The following TPTE2 variants were observed in gnomAD, a reference collection of about 807,000 sequenced individuals.
TPTE2 encodes phosphatidylinositol 3,4,5-trisphosphate 3-phosphatase TPTE2.
Under a neutral mutation model 78.6 loss-of-function variants are expected in TPTE2, and 53 were observed. The observed-to-expected ratio is 0.67, with a 90% CI of 0.54 to 0.85. The LOEUF is 0.85. TPTE2 is among the 40% of genes least tolerant of loss of function. TPTE2 has a pLI of 0.00. For missense variants in TPTE2, 461 were observed against 623.0 expected (o/e 0.74, Z 2.77); for synonymous variants, 175 against 206.2 (o/e 0.85, Z 1.30).
intron 3 of TPTE2, among the ~76,000 whole-genome samples, chr13:19,490,668 C>A (rs1490266111): frequency 6.6e-6 from 1 of 152,196 alleles, no homozygotes; most frequent in Non-Finnish European, 1.5e-5. Context: ...GTCTTTCCTG[C>A]CCCTCAGATA....
At chr13:19,499,896 C>G (rs1475382404) in intron 1 of TPTE2, among the ~76,000 whole-genome samples, 1 of 149,256 alleles carries the variant, frequency 6.7e-6, no homozygotes, top group Non-Finnish European at 1.5e-5. Context: ...AATTGATAGA[C>G]CACTAGCAAG....
chr13:19,551,289 G>A, the TPTE2 span, among the ~76,000 whole-genome samples: 38 of 152,088 alleles, frequency 2.5e-4, no homozygotes, highest in Non-Finnish European at 4.9e-4. Context: ...TATTATTGCA[G>A]GTACAATATG....
chr13:19,478,244 T>A (rs1016775175), intron 4 of TPTE2, among the ~76,000 whole-genome samples: 2 of 151,520 alleles, frequency 1.3e-5, no homozygotes, highest in Non-Finnish European at 2.9e-5. Context: ...TGGGAGAAAA[T>A]TTTTGCAATC....
intron 1 of TPTE2, among the ~76,000 whole-genome samples, chr13:19,523,619 G>A (rs1870317788): frequency 6.6e-6 from 1 of 151,990 alleles, no homozygotes; most frequent in Non-Finnish European, 1.5e-5. Context: ...GGGATTACAG[G>A]TGCATGCCAC....
rs1229502276 is a variant in TPTE2 at position 19,535,109 on chromosome 13, C to T, written c.-44+1487G>A. On this transcript the variant is annotated intron_variant, in intron 1 of 17. Coordinates refer to the TPTE2 transcript ENST00000390680. This position sits in a 1 kb window ranked among gnomAD's most constrained non-coding sequence, Gnocchi z 5.1. ...GTCCCAGCTACTCAGGAGGCTGAGG[C>T]AGGAGAATCACTGGAACCCAGGAGG... Among the ~76,000 whole-genome samples the T allele has an allele frequency of 6.6e-6, 1 of 152,124 alleles. No individual in the cohort carries two copies. Among genetic ancestry groups the T allele is most frequent in the African/African-American group, 2.4e-5 (1 of 41,490 alleles).
chr13:19,482,364 A>T, intron 4 of TPTE2, 124 bp downstream of exon 7: 4 of 1,096,700 alleles, frequency 3.6e-6, no homozygotes, highest in Non-Finnish European at 5.1e-6. Context: ...GTACCCTCCC[A>T]CCATACATTT....
intron 10 of TPTE2, among the ~76,000 whole-genome samples, chr13:19,456,941 A>G (rs112528515): frequency 0.01 from 1,585 of 152,346 alleles, 20 homozygotes; most frequent in Non-Finnish European, 0.018. Flanking sequence ...CTATAAGGCC[A>G]TAATAATTAA....
chr13:19,493,773 T>C (rs1487924641), intron 1 of TPTE2, among the ~76,000 whole-genome samples: 1 of 152,158 alleles, frequency 6.6e-6, no homozygotes, highest in Non-Finnish European at 1.5e-5. Context: ...TGTGACAGAT[T>C]TTCTGGTGGC....
At chr13:19,545,627 T>C in the TPTE2 span, among the ~76,000 whole-genome samples, 2 of 152,194 alleles carry the variant, frequency 1.3e-5, no homozygotes, top group South Asian at 2.1e-4. Flanking sequence ...AAATTATAAA[T>C]AAGGAGTTAC....
exon 8 of TPTE2, chr13:19,465,559 G>C (rs1879219377): frequency 6.3e-7 from 1 of 1,586,294 alleles, no homozygotes; most frequent in Non-Finnish European, 8.5e-7. Context: ...AACTAAATGT[G>C]TCCATCTAAC....
chr13:19,502,744 C>T (rs953733713), intron 1 of TPTE2, among the ~76,000 whole-genome samples: 1 of 151,120 alleles, frequency 6.6e-6, no homozygotes, highest in Non-Finnish European at 1.5e-5. Flanking sequence ...CACATGTATA[C>T]ATATGTAACT....
chr13:19,423,618 A>G (rs917501223), intron 19 of TPTE2, among the ~76,000 whole-genome samples: 7 of 152,238 alleles, frequency 4.6e-5, no homozygotes, highest in African/African-American at 1.2e-4. Flanking sequence ...ATAATGGAAC[A>G]CTAGGCATAA....
chr13:19,488,802 G>A (rs1880810395), intron 3 of TPTE2, among the ~76,000 whole-genome samples: 1 of 152,230 alleles, frequency 6.6e-6, no homozygotes, highest in Admixed American at 6.5e-5. Context: ...TGGAGCAGCA[G>A]TCTTAATTTT....
intron 13 of TPTE2, among the ~76,000 whole-genome samples, chr13:19,440,031 T>C (rs1877387114): frequency 6.6e-6 from 1 of 152,142 alleles, no homozygotes; most frequent in Admixed American, 6.5e-5. Flanking sequence ...GAAAACATAT[T>C]TGATGGAATA....
At chr13:19,500,027 C>T (rs1320240637) in intron 1 of TPTE2, among the ~76,000 whole-genome samples, 11 of 148,858 alleles carry the variant, frequency 7.4e-5, no homozygotes, top group Admixed American at 4.0e-4. Flanking sequence ...AACACCTCTA[C>T]GCAAATAAAC....
In TPTE2 at chr13:19,535,258, A is replaced by G. The variant is rs1871142820; in HGVS notation, c.-44+1338T>C. Among the ~76,000 whole-genome samples, 1 of 151,868 alleles carries G rather than the reference A, an allele frequency of 6.6e-6. No individual in the cohort carries two copies. The highest frequency in any genetic ancestry group is 2.4e-5 in the African/African-American group (1 of 41,394). ...ATATATATATTCTTTAGATCCAAGA[A>G]TCTAAGGATAACACCTTCTTTAGAA... is the stretch of plus-strand genomic sequence containing the variant. On this transcript the variant is annotated intron_variant, in intron 1 of 17. Transcript: ENST00000390680. The surrounding 1 kb of genome is among the most constrained non-coding windows in gnomAD (Gnocchi z 5.1).
chr13:19,528,083 T>C (rs1441368770), intron 1 of TPTE2, among the ~76,000 whole-genome samples: 2 of 152,106 alleles, frequency 1.3e-5, no homozygotes, highest in Non-Finnish European at 2.9e-5. Flanking sequence ...TCTGGCACTA[T>C]CTAAAGTACC....
In TPTE2 at chr13:19,457,990, C is replaced by T. The variant is rs552722624; in HGVS notation, c.741+6466G>A. ...AGGTGCATCTTGCTTGGTTCTGAGA[C>T]AGTGAAGGAATTTCCCCAGTATTTA... On this transcript the variant is annotated intron_variant, in intron 10 of 19. Transcript: ENST00000400230. 6.6e-4 allele frequency among the ~76,000 whole-genome samples: 101 copies of T among 152,210 alleles called. 1 individual carries two copies. Among genetic ancestry groups the T allele is most frequent in the African/African-American group, 2.3e-3 (97 of 41,546 alleles).
intron 17 of TPTE2, among the ~76,000 whole-genome samples, chr13:19,426,972 T>C (rs1876147350): frequency 6.6e-6 from 1 of 151,626 alleles, no homozygotes; most frequent in Non-Finnish European, 1.5e-5. Flanking sequence ...CCCAAAGTGC[T>C]GGATTACAGG....
Sources: allele counts gnomAD v4.1 joint callset (sites outside exome capture counted in the v4.1 genomes callset), GRCh38; gene constraint gnomAD v4.1.1; non-coding constraint Gnocchi (gnomAD v3.1); transcripts MANE v1.5; gene names NCBI Gene and HGNC (gene_info 2026-07-23, HGNC 2026-07-21).